The following APTX variants were observed in gnomAD, a reference collection of about 807,000 sequenced individuals.
APTX encodes aprataxin.
In APTX, 33 loss-of-function variants were observed where a neutral mutation model predicts 42.3. The ratio of observed to expected loss-of-function variants is 0.78; its 90% CI spans 0.59 to 1.04. The LOEUF (loss-of-function observed/expected upper bound fraction) is 1.04, where lower values mean the gene tolerates loss of function less well. Among genes scored for constraint, APTX ranks in the 50% least tolerant of loss-of-function variants. The pLI is 0.00. For synonymous variants in APTX, 130 were observed against 146.7 expected, an observed-to-expected ratio of 0.89 and a Z score of 0.82; for missense variants, 421 against 415.1, an observed-to-expected ratio of 1.01 and a Z score of -0.12.
intron 1 of APTX, chr9:33,019,876 G>C: frequency 6.6e-6 from 4 of 610,378 alleles, no homozygotes; most frequent in South Asian, 2.1e-5. Flanking sequence ...GGTGGGGTTC[G>C]GCATCTGGAG....
intron 2 of APTX, 115 bp from the exon 3 acceptor site, chr9:32,988,244 TC>T: frequency 1.1e-6 from 1 of 886,548 alleles, no homozygotes; most frequent in South Asian, 1.3e-5. Flanking sequence ...AGGTGGTGTT[TC>T]CTTAAAGGCC....
intron 1 of APTX, among the ~76,000 whole-genome samples, chr9:33,008,374 T>C (rs1837306968): frequency 6.6e-6 from 1 of 151,986 alleles, no homozygotes; most frequent in Non-Finnish European, 1.5e-5. Context: ...TATTAAGGTT[T>C]CATGATAAAA....
At chr9:33,001,908 G>A (rs577069441), upstream of APTX, among the ~76,000 whole-genome samples, 6 of 152,302 alleles carry the variant, frequency 3.9e-5, no homozygotes, top group East Asian at 9.6e-4. Flanking sequence ...GACGTTTCTA[G>A]GTGGCTGTGC....
At chr9:32,981,381 T>C (rs1172755396) in intron 6 of APTX, among the ~76,000 whole-genome samples, 1 of 152,146 alleles carries the variant, frequency 6.6e-6, no homozygotes, top group Non-Finnish European at 1.5e-5. Flanking sequence ...GTTTTTCACA[T>C]ACAAATAAAG....
intron 5 of APTX, among the ~76,000 whole-genome samples, chr9:32,985,639 C>A (rs1035108187): frequency 2.6e-5 from 4 of 152,072 alleles, no homozygotes; most frequent in Non-Finnish European, 5.9e-5. Context: ...AATGCCAGGG[C>A]AGCACAGTAC....
intron 1 of APTX, among the ~76,000 whole-genome samples, chr9:33,010,666 C>A (rs1161726153): frequency 1.3e-5 from 2 of 151,684 alleles, no homozygotes; most frequent in Non-Finnish European, 2.9e-5. Context: ...TTGCAGTGAG[C>A]CAAGATCATG....
chr9:33,006,999 CAAAAAAAAA>C (rs55924566), intron 1 of APTX, among the ~76,000 whole-genome samples: 1 of 49,444 alleles, frequency 2.0e-5, no homozygotes, highest in African/African-American at 8.8e-5. Context: ...GACTCTGTCT[CAAAAAAAAA>C]AAAAAAAAAA....
intron 1 of APTX, among the ~76,000 whole-genome samples, chr9:33,023,867 T>A (rs1838614105): frequency 6.6e-6 from 1 of 152,212 alleles, no homozygotes; most frequent in African/African-American, 2.4e-5. Flanking sequence ...CTAACTAGCT[T>A]TGAAGCCTCA....
chr9:32,974,398 T>C, intron 7 of APTX, 60 bp downstream of exon 7: 1 of 1,130,322 alleles, frequency 8.8e-7, no homozygotes, highest in Non-Finnish European at 1.3e-6. Flanking sequence ...AACAACCAAA[T>C]CAAATATAAG....
intron 5 of APTX, among the ~76,000 whole-genome samples, chr9:32,985,330 T>TG (rs1554664234): frequency 2.2e-5 from 3 of 135,796 alleles, no homozygotes; most frequent in East Asian, 5.1e-4. Context: ...ATGCCTGTTT[T>TG]TTTTTTTTTT....
intron 6 of APTX, among the ~76,000 whole-genome samples, chr9:32,981,399 AAC>A (rs1258248887): frequency 1.3e-5 from 2 of 152,170 alleles, no homozygotes; most frequent in Non-Finnish European, 2.9e-5. Flanking sequence ...AAGGTAGATA[AAC>A]ACAGAATTAT....
intron 7 of APTX, among the ~76,000 whole-genome samples, chr9:32,974,036 C>T (rs1043257864): frequency 1.3e-5 from 2 of 151,966 alleles, no homozygotes; most frequent in Admixed American, 1.3e-4. Flanking sequence ...CATCACACAC[C>T]AGAAAATGCT....
At position 32,984,662 on chromosome 9, in the gene APTX, G is replaced by T; in HGVS notation, c.739C>A (p.Arg247=). 1 of 1,614,182 alleles carries T rather than the reference G, an allele frequency of 6.2e-7. No homozygotes were observed. The highest frequency in any genetic ancestry group is 8.5e-7 in the Non-Finnish European group (1 of 1,180,034). Residue 247 remains arginine (R), a synonymous_variant, in exon 6 of 8, where the codon CGA becomes AGA. Coordinates refer to ENST00000379817, the MANE Select transcript of APTX (RefSeq NM_001195248.2). ...DFAGSSKLRF[R]LGYHAIPSMS... ...CTCGGAATGGCGTGGTAGCCCAATC[G>T]GAAGCGGAGTTTGCTGGACCCAGCA... is the stretch of plus-strand genomic sequence containing the variant.
chr9:32,994,212 A>T (rs940049238), intron 1 of APTX, among the ~76,000 whole-genome samples: 1 of 152,234 alleles, frequency 6.6e-6, no homozygotes, highest in Non-Finnish European at 1.5e-5. Context: ...ATTACCCACC[A>T]CGTGACAATC....
At chr9:33,022,870 A>AT (rs1216875435) in intron 1 of APTX, among the ~76,000 whole-genome samples, 15 of 152,174 alleles carry the variant, frequency 9.9e-5, no homozygotes, top group Admixed American at 9.8e-4. Context: ...TAGACAGGGT[A>AT]TTGCTCTGTC....
At chr9:32,989,713 T>A (rs755161485) in intron 2 of APTX, 46 bp downstream of exon 2, 1 of 1,612,908 alleles carries the variant, frequency 6.2e-7, no homozygotes, top group South Asian at 1.1e-5. Flanking sequence ...TGGTTATCAC[T>A]ATCCCACATA....
At position 33,001,259 on chromosome 9, in the gene APTX, T is replaced by G. The variant is rs1046130670; in HGVS notation, c.-5+308A>C. 4 of 1,404,248 alleles carry G rather than the reference T, an allele frequency of 2.8e-6. No individual in the cohort carries two copies. The African/African-American group carries it at 5.8e-5, about 20-fold the overall frequency. 87.0% of individuals were successfully genotyped at this position (1,404,248 alleles called of 1,614,324 possible). A position where few individuals can be genotyped will look rare whatever the true frequency, so the allele number is the denominator to read the frequency against. ...GGAAACGCTGCCCTTCCCGACAAGC[T>G]GGGCCGCCTCCTTGGTTGGACAGGG... On this transcript the variant is annotated intron_variant, in intron 1 of 7. Coordinates refer to ENST00000379817, the MANE Select transcript of APTX (RefSeq NM_001195248.2).
chr9:32,979,678 T>A, intron 6 of APTX: 1 of 161,072 alleles, frequency 6.2e-6, no homozygotes, highest in Non-Finnish European at 1.4e-5. Flanking sequence ...CACCTAATGC[T>A]CTCTGATGAC....
intron 1 of APTX, among the ~76,000 whole-genome samples, chr9:33,020,637 G>A (rs1187443269): frequency 6.6e-6 from 1 of 152,202 alleles, no homozygotes; most frequent in Non-Finnish European, 1.5e-5. Context: ...AGAAAGAACA[G>A]ATGAGGAAAG....
Sources: allele counts gnomAD v4.1 joint callset (sites outside exome capture counted in the v4.1 genomes callset), GRCh38; gene constraint gnomAD v4.1.1; transcripts MANE v1.5; gene names NCBI Gene and HGNC (gene_info 2026-07-23, HGNC 2026-07-21).